Variants in TMEM144 observed in about 807,000 individuals in gnomAD.
TMEM144 encodes transmembrane protein 144.
Under a neutral mutation model 43.6 loss-of-function variants are expected in TMEM144, and 39 were observed. The ratio of observed to expected loss-of-function variants is 0.90; its 90% CI spans 0.69 to 1.17. TMEM144 has a LOEUF of 1.17. Among genes scored for constraint, TMEM144 ranks in the 50% most tolerant of loss-of-function variants. The pLI is 0.00. For missense variants in TMEM144, 417 were observed against 411.9 expected, an observed-to-expected ratio of 1.01 and a Z score of -0.11; for synonymous variants, 154 against 133.6, an observed-to-expected ratio of 1.15 and a Z score of -1.06.
chr4:158,240,341 C>T lies in TMEM144; in HGVS notation c.725C>T (p.Thr242Ile), dbSNP rs145240920. 116 of 1,613,848 alleles carry T rather than the reference C, an allele frequency of 7.2e-5. 1 individual carries two copies. The African/African-American group carries it at 1.4e-3, about 19-fold the overall frequency. Residue 242 changes from threonine to isoleucine, a missense_variant, in exon 10 of 13, where the codon ACA (threonine) becomes ATA (isoleucine). Physicochemically the swap from Thr to Ile is moderately conservative, Grantham distance 89. Coordinates refer to ENST00000296529, the MANE Select transcript of TMEM144 (RefSeq NM_018342.5). ...VFAHFSGIFL[T>I]STVYFLAYCI... ...GCGCACTTCAGTGGCATCTTTCTTA[C>T]AAGTACTGTCTACTTTCTGGCCTAC...
At chr4:158,245,582 A>G (rs776814197) in intron 12 of TMEM144, among the ~76,000 whole-genome samples, 1 of 152,184 alleles carries the variant, frequency 6.6e-6, no homozygotes, top group Non-Finnish European at 1.5e-5. Context: ...CCAAGAACAC[A>G]ATAAATGCTC....
chr4:158,214,284 T>C (rs1734110298), intron 3 of TMEM144, among the ~76,000 whole-genome samples: 1 of 152,122 alleles, frequency 6.6e-6, no homozygotes, highest in African/African-American at 2.4e-5. Flanking sequence ...TACTTTGGCC[T>C]CCCAAAGTGC....
chr4:158,253,769 A>G lies in TMEM144; in HGVS notation c.*242A>G, dbSNP rs1736337247. The G allele has an allele frequency of 2.1e-6, 1 of 473,178 alleles. No individual in the cohort carries two copies. Among genetic ancestry groups the G allele is most frequent in the African/African-American group, 2.0e-5 (1 of 50,990 alleles). The allele number at this position is 473,178 out of a possible 1,614,324, so 29.3% of individuals were successfully genotyped here. ...TATGAAGGTAGTACTTTACTGGGTG[A>G]CTAAAATGTCTACATTATTATAGCA... On this transcript the variant is annotated 3_prime_UTR_variant, in exon 13 of 13. Transcript: ENST00000296529.
At chr4:158,224,349 T>C (rs754857927) in intron 6 of TMEM144, among the ~76,000 whole-genome samples, 5 of 151,660 alleles carry the variant, frequency 3.3e-5, no homozygotes, top group Non-Finnish European at 5.9e-5. Context: ...ATTTCTCCCA[T>C]TCTGTAGGTT....
At chr4:158,245,805 G>C (rs1433753879) in intron 12 of TMEM144, among the ~76,000 whole-genome samples, 1 of 152,092 alleles carries the variant, frequency 6.6e-6, no homozygotes, top group African/African-American at 2.4e-5. Flanking sequence ...AGGAACACTT[G>C]TAGTCACAGC....
chr4:158,225,881 C>T (rs987676076), intron 6 of TMEM144, among the ~76,000 whole-genome samples: 5 of 152,220 alleles, frequency 3.3e-5, no homozygotes, highest in African/African-American at 4.8e-5. Flanking sequence ...GGGGCTGACC[C>T]GCAGGGTGCC....
chr4:158,237,682 T>A, intron 9 of TMEM144, 39 bp downstream of exon 9: 1 of 1,291,990 alleles, frequency 7.7e-7, no homozygotes, highest in Non-Finnish European at 1.1e-6. Context: ...TAATATCTAC[T>A]TTTTATGAAT....
intron 6 of TMEM144, among the ~76,000 whole-genome samples, chr4:158,229,845 G>T (rs1734980888): frequency 6.6e-6 from 1 of 152,210 alleles, no homozygotes; most frequent in South Asian, 2.1e-4. Context: ...AGCCTCCCTG[G>T]CTCCGGCAGT....
At chr4:158,219,824 C>T (rs1480871671) in intron 6 of TMEM144, among the ~76,000 whole-genome samples, 2 of 151,982 alleles carry the variant, frequency 1.3e-5, no homozygotes, top group African/African-American at 4.8e-5. Flanking sequence ...TTTCCACTTC[C>T]CCTGTCTCCT....
chr4:158,235,260 T>C, intron 7 of TMEM144, 178 bp from the exon 8 acceptor site: 1 of 579,698 alleles, frequency 1.7e-6, no homozygotes, highest in East Asian at 3.0e-5. Context: ...TCATCCTAAA[T>C]GAAAGAGGAA....
At chr4:158,236,980 A>G (rs1243378739) in intron 8 of TMEM144, among the ~76,000 whole-genome samples, 1 of 152,072 alleles carries the variant, frequency 6.6e-6, no homozygotes, top group African/African-American at 2.4e-5. Flanking sequence ...TGTCTGAAAT[A>G]CCCAGATTAT....
At chr4:158,249,510 G>C (rs1437461826) in intron 12 of TMEM144, among the ~76,000 whole-genome samples, 1 of 152,156 alleles carries the variant, frequency 6.6e-6, no homozygotes, top group Non-Finnish European at 1.5e-5. Context: ...AACCATTGCT[G>C]TTGCCCAACT....
chr4:158,213,441 T>TA (rs1291521076), intron 3 of TMEM144: 16 of 152,318 alleles, frequency 1.1e-4, no homozygotes, highest in Admixed American at 2.6e-4. Flanking sequence ...CAGCATCATG[T>TA]AATTAACCAG....
intron 1 of TMEM144, 65 bp from the exon 2 acceptor site, chr4:158,211,388 T>A (rs1466968408): frequency 6.6e-6 from 1 of 152,226 alleles, no homozygotes; most frequent in South Asian, 2.1e-4. Context: ...TTTGCTTTGC[T>A]TGTTGTGAAT....
Position 158,225,154 on chromosome 4 carries a change from A to G in TMEM144, c.413+5764A>G, listed in dbSNP as rs188306460. ...TAGCTTATCTGCTTCTTGTGCTAAC[A>G]GGGCCATTGCTGCTAACGCCCTTAG... On this transcript the variant is annotated intron_variant, in intron 6 of 12. Transcript: ENST00000296529. Among the ~76,000 whole-genome samples the G allele has an allele frequency of 2.2e-3, 339 of 152,346 alleles. 1 individual carries two copies. The highest frequency in any genetic ancestry group is 6.1e-3 in the Admixed American group (93 of 15,312).
At chr4:158,225,965 C>T (rs1734744476) in intron 6 of TMEM144, among the ~76,000 whole-genome samples, 1 of 152,234 alleles carries the variant, frequency 6.6e-6, no homozygotes, top group Non-Finnish European at 1.5e-5. Flanking sequence ...AAAAGAGCTA[C>T]CATGCAGCCT....
rs1736397011 is a variant in TMEM144 at position 158,254,760 on chromosome 4, G to T, written c.*1233G>T. ...ATAGTACTGTTTATTACTTTGCTAT[G>T]CAGGAGAAACAAAACAGCTTTTTAT... On this transcript the variant is annotated 3_prime_UTR_variant, in exon 13 of 13. Transcript: ENST00000296529. 1 of 152,076 alleles carries T rather than the reference G, an allele frequency of 6.6e-6. No individual in the cohort carries two copies. Among genetic ancestry groups the T allele is most frequent in the African/African-American group, 2.4e-5 (1 of 41,398 alleles). The allele number at this position is 152,076 out of a possible 1,614,324, so 9.4% of individuals were successfully genotyped here.
At chr4:158,240,217 T>G in intron 9 of TMEM144, 82 bp from the exon 10 acceptor site, 1 of 1,495,180 alleles carries the variant, frequency 6.7e-7, no homozygotes, top group African/African-American at 1.4e-5. Flanking sequence ...TAAGGTTAAT[T>G]CTGGTGAGTT....
intron 12 of TMEM144, among the ~76,000 whole-genome samples, chr4:158,251,019 C>T (rs1736174525): frequency 6.6e-6 from 1 of 152,160 alleles, no homozygotes; most frequent in Admixed American, 6.5e-5. Context: ...CAACTGCTGC[C>T]TAGAGTTGCT....
Sources: gnomAD v4.1 joint callset for allele counts (sites outside exome capture counted in the v4.1 genomes callset) on GRCh38, gnomAD v4.1.1 for gene constraint, MANE v1.5 for transcripts, NCBI Gene and HGNC (gene_info 2026-07-23, HGNC 2026-07-21) for gene names.